The following TBC1D8 variants were observed in gnomAD, a reference collection of about 807,000 sequenced individuals.
TBC1D8 encodes BUB2-like protein 1.
TBC1D8 carries 65 observed loss-of-function variants against 118.8 expected under a neutral mutation model. The observed-to-expected ratio is 0.55, with a 90% CI of 0.45 to 0.67. The LOEUF is 0.67. TBC1D8 is among the 30% of genes least tolerant of loss of function. The pLI is 0.00. For missense variants in TBC1D8, 1,376 were observed against 1,471.2 expected (o/e 0.94, Z 1.06); for synonymous variants, 566 against 595.8 (o/e 0.95, Z 0.73).
intron 2 of TBC1D8, among the ~76,000 whole-genome samples, chr2:101,072,470 C>T (rs1674514045): frequency 6.6e-6 from 1 of 152,176 alleles, no homozygotes; most frequent in African/African-American, 2.4e-5. Flanking sequence ...AGAACTCACT[C>T]ATCACCAAGG....
chr2:101,038,796 T>C, intron 6 of TBC1D8, 141 bp from the exon 7 acceptor site: 1 of 931,824 alleles, frequency 1.1e-6, no homozygotes, highest in Middle Eastern at 3.2e-4. Flanking sequence ...AAAGTGGCAC[T>C]GCTCACCCCC....
At chr2:101,034,039 C>G (rs1425774836) in intron 9 of TBC1D8, among the ~76,000 whole-genome samples, 1 of 152,118 alleles carries the variant, frequency 6.6e-6, no homozygotes, top group Non-Finnish European at 1.5e-5. Flanking sequence ...TGGTGGGTGC[C>G]TGTAAACCTA....
intron 1 of TBC1D8, among the ~76,000 whole-genome samples, chr2:101,101,710 T>C (rs906031810): frequency 3.3e-5 from 5 of 152,118 alleles, no homozygotes; most frequent in African/African-American, 7.2e-5. Context: ...CAGAATACTA[T>C]GCAGCCATAA....
At chr2:101,133,487 T>A (rs1242144601) in intron 1 of TBC1D8, among the ~76,000 whole-genome samples, 1 of 152,116 alleles carries the variant, frequency 6.6e-6, no homozygotes, top group Non-Finnish European at 1.5e-5. Flanking sequence ...ATAAATAACA[T>A]AAATTTACTT....
chr2:101,049,849 C>T (rs1284983190), intron 5 of TBC1D8, among the ~76,000 whole-genome samples: 4 of 150,494 alleles, frequency 2.7e-5, no homozygotes, highest in Admixed American at 2.0e-4. Context: ...TTTTTTGAGA[C>T]GGAGTCTTGT....
intron 9 of TBC1D8, among the ~76,000 whole-genome samples, chr2:101,034,376 A>C (rs1680868718): frequency 6.6e-6 from 1 of 152,220 alleles, no homozygotes; most frequent in Admixed American, 6.5e-5. Flanking sequence ...AATGACACCA[A>C]GCACTGATGC....
At chr2:101,135,923 T>C (rs1175647178) in intron 1 of TBC1D8, among the ~76,000 whole-genome samples, 1 of 152,188 alleles carries the variant, frequency 6.6e-6, no homozygotes, top group African/African-American at 2.4e-5. Flanking sequence ...ACTGTCACCC[T>C]GGCTTGGTTC....
chr2:101,119,495 GTGGTTGCATTAACTCCC>G lies in TBC1D8; in HGVS notation c.128-29148_128-29132del, dbSNP rs1678006057. 2.0e-5 allele frequency among the ~76,000 whole-genome samples: 3 copies of G among 152,292 alleles called. No homozygotes were observed. The South Asian group carries it at 6.2e-4, about 32-fold the overall frequency. On this transcript the variant is annotated intron_variant, in intron 1 of 19. Transcript: ENST00000409318. ...CCCTCTGACTCCTTTCCTTCTAGAT[GTGGTTGCATTAACTCCC>G]TGGATTTCCTTCTAGAGCAGGGGTT... is the stretch of plus-strand genomic sequence containing the variant.
intron 1 of TBC1D8, among the ~76,000 whole-genome samples, chr2:101,090,635 G>C (rs1675976409): frequency 6.6e-6 from 1 of 152,236 alleles, no homozygotes; most frequent in Non-Finnish European, 1.5e-5. Context: ...CAGTCGCCCA[G>C]CCTAGCTAAG....
At chr2:101,117,815 T>C in intron 1 of TBC1D8, among the ~76,000 whole-genome samples, 1 of 150,772 alleles carries the variant, frequency 6.6e-6, no homozygotes. Context: ...GATCTTGTGA[T>C]CCGCCCGGCT....
rs114292399 is a variant in TBC1D8 at position 101,028,104 on chromosome 2, A to G, written c.2395T>C (p.Tyr799His). 489 of 1,613,842 alleles carry G rather than the reference A, an allele frequency of 3.0e-4. 2 individuals carry two copies. In the African/African-American group the frequency reaches 5.9e-3, roughly 20 times the overall value. Reference sequence around the variant, plus strand: ...TGGAGGACCCTGATCCTGTGCTTGTAACGTAGGTGCTCGATCTGCTCCACA... The same window carrying G: ...TGGAGGACCCTGATCCTGTGCTTGTGACGTAGGTGCTCGATCTGCTCCACA... ...QSVEQIEHLR[Y>H]KHRIRVLQGH... Residue 799 changes from tyrosine to histidine, a missense_variant, in exon 14 of 20, where the codon TAC becomes CAC. Physicochemically the swap from Tyr to His is moderately conservative, Grantham distance 83. Coordinates refer to ENST00000409318, the MANE Select transcript of TBC1D8 (RefSeq NM_001330348.2).
chr2:101,053,008 T>C (rs899147429), intron 4 of TBC1D8, among the ~76,000 whole-genome samples: 2 of 152,228 alleles, frequency 1.3e-5, no homozygotes, highest in Non-Finnish European at 2.9e-5. Flanking sequence ...CTGCCCTGCA[T>C]TGAAGGAGCT....
At chr2:101,102,694 T>A (rs1394315074) in intron 1 of TBC1D8, among the ~76,000 whole-genome samples, 1 of 152,060 alleles carries the variant, frequency 6.6e-6, no homozygotes, top group East Asian at 1.9e-4. Flanking sequence ...CAGGAGTAGC[T>A]GTATTAATTT....
At chr2:101,134,980 TG>T (rs1678780983) in intron 1 of TBC1D8, among the ~76,000 whole-genome samples, 1 of 152,160 alleles carries the variant, frequency 6.6e-6, no homozygotes, top group African/African-American at 2.4e-5. Context: ...AAGACTAGCC[TG>T]GCCAACATAG....
At chr2:101,022,606 C>G (rs1218441482) in intron 15 of TBC1D8, 85 bp from the exon 16 acceptor site, 5 of 1,490,116 alleles carry the variant, frequency 3.4e-6, no homozygotes, top group Non-Finnish European at 4.4e-6. Flanking sequence ...TAATAAATTA[C>G]TCACAATCTC....
chr2:101,058,517 G>A (rs1016434762), intron 3 of TBC1D8, among the ~76,000 whole-genome samples: 2 of 152,094 alleles, frequency 1.3e-5, no homozygotes, highest in African/African-American at 2.4e-5. Context: ...CTCCCAACCC[G>A]ATGGGGCTTT....
intron 2 of TBC1D8, among the ~76,000 whole-genome samples, chr2:101,086,543 C>CA (rs952173415): frequency 7.6e-5 from 11 of 144,548 alleles, no homozygotes; most frequent in Non-Finnish European, 1.1e-4. Flanking sequence ...GTTGTGTGCA[C>CA]AAAAAAAACT....
chr2:101,035,933 T>C, intron 9 of TBC1D8, 85 bp downstream of exon 9: 1 of 1,485,164 alleles, frequency 6.7e-7, no homozygotes, highest in Non-Finnish European at 9.2e-7. Flanking sequence ...CATCTGCACA[T>C]AAACACACGC....
At chr2:101,028,492 C>T in intron 12 of TBC1D8, 60 bp from the exon 13 acceptor site, 1 of 1,507,588 alleles carries the variant, frequency 6.6e-7, no homozygotes, top group Non-Finnish European at 8.8e-7. Flanking sequence ...ACAACACGGG[C>T]TGCCTTCACA....
Sources: allele counts gnomAD v4.1 joint callset (sites outside exome capture counted in the v4.1 genomes callset), GRCh38; gene constraint gnomAD v4.1.1; transcripts MANE v1.5; gene names NCBI Gene and HGNC (gene_info 2026-07-23, HGNC 2026-07-21).